The following PCDHA7 variants were observed in gnomAD, a reference collection of about 807,000 sequenced individuals.
PCDHA7 encodes protocadherin alpha 7.
PCDHA7 carries 37 observed loss-of-function variants against 57.2 expected under a neutral mutation model. That is an observed-to-expected ratio of 0.65 (90% CI 0.50 to 0.85). PCDHA7 has a LOEUF of 0.85. PCDHA7 is among the 40% of genes least tolerant of loss of function. The pLI, the probability that PCDHA7 is intolerant of heterozygous loss-of-function variation, is 0.00. For missense variants in PCDHA7, 1,188 were observed against 1,241.8 expected (o/e 0.96, Z 0.65); for synonymous variants, 553 against 558.8 (o/e 0.99, Z 0.15).
At chr5:140,978,491 C>T (rs550205477) in intron 1 of PCDHA7, among the ~76,000 whole-genome samples, 2 of 152,354 alleles carry the variant, frequency 1.3e-5, no homozygotes, top group African/African-American at 4.8e-5. Flanking sequence ...GCAAAGCCAG[C>T]AGCAGATTGC....
At position 140,841,270 on chromosome 5, in the gene PCDHA7, C is replaced by A; in HGVS notation, c.2355+4532C>A. On this transcript the variant is annotated intron_variant, in intron 1 of 3. Transcript: ENST00000525929. ...GATTAAAAGACTCTGAAAGTACAGT[C>A]GTTCATCTTTATATTAAGATAATAT... 4 of 1,529,280 alleles carry A rather than the reference C, an allele frequency of 2.6e-6. No individual in the cohort carries two copies. The South Asian group carries it at 3.9e-5, about 15-fold the overall frequency. 94.7% of individuals were successfully genotyped at this position (1,529,280 alleles called of 1,614,324 possible).
chr5:140,892,413 T>C (rs1554185182), intron 1 of PCDHA7, among the ~76,000 whole-genome samples: 1 of 152,222 alleles, frequency 6.6e-6, no homozygotes, highest in Non-Finnish European at 1.5e-5. Context: ...CTTCAGGTAT[T>C]CTAGATAAAA....
At chr5:140,884,148 A>G in intron 1 of PCDHA7, 3 of 1,613,432 alleles carry the variant, frequency 1.9e-6, no homozygotes, top group Non-Finnish European at 2.5e-6. Context: ...GTGGGGCTGT[A>G]CACTGGCGAG....
intron 1 of PCDHA7, chr5:140,928,710 T>C (rs1370353227): frequency 3.7e-6 from 6 of 1,614,192 alleles, no homozygotes; most frequent in Non-Finnish European, 5.1e-6. Context: ...CGTCTGACTC[T>C]AGTCTCTTTA....
chr5:140,994,275 T>C (rs1296337913), intron 3 of PCDHA7, among the ~76,000 whole-genome samples: 1 of 152,156 alleles, frequency 6.6e-6, no homozygotes, highest in African/African-American at 2.4e-5. Flanking sequence ...AGGCTGCCTT[T>C]CTTGAGACAG....
At chr5:140,930,356 A>G (rs1554207746) in intron 1 of PCDHA7, 1 of 152,106 alleles carries the variant, frequency 6.6e-6, no homozygotes, top group African/African-American at 2.4e-5. Context: ...CAAATATTTC[A>G]ATTTATCTGT....
intron 1 of PCDHA7, among the ~76,000 whole-genome samples, chr5:140,909,973 G>A (rs2074802854): frequency 6.6e-6 from 1 of 152,198 alleles, no homozygotes; most frequent in Admixed American, 6.5e-5. Context: ...GGGGAAGGAT[G>A]GGAGAAAGAC....
At chr5:140,966,447 C>G (rs373859357) in intron 1 of PCDHA7, 3 of 425,206 alleles carry the variant, frequency 7.1e-6, no homozygotes, top group Non-Finnish European at 8.2e-6. Flanking sequence ...CTCCCTTTCC[C>G]CCTCCCCCTC....
chr5:140,876,650 T>G lies in PCDHA7; in HGVS notation c.2355+39912T>G, dbSNP rs782068706. 4 of 1,614,162 alleles carry G rather than the reference T, an allele frequency of 2.5e-6. No individual in the cohort carries two copies. In the South Asian group the frequency reaches 4.4e-5, roughly 18 times the overall value. ...GTCATCTGCTCACTGACACCTCATG[T>G]TCCCTTCAAGCTGGTGTCCACCTAC... On this transcript the variant is annotated intron_variant, in intron 1 of 3. Transcript: ENST00000525929.
Position 140,968,830 on chromosome 5 carries a change from C to T in PCDHA7, c.2356-10119C>T, listed in dbSNP as rs782771762. On this transcript the variant is annotated intron_variant, in intron 1 of 3. Coordinates refer to ENST00000525929, the MANE Select transcript of PCDHA7 (RefSeq NM_018910.3). The stretch of plus-strand genomic sequence containing the variant: ...TGGTGGATAGGGTTTCCAAAATCCT[C>T]CCTGACACTCAGAGGCATGTTAAGA... 48 of 1,614,080 alleles carry T rather than the reference C, an allele frequency of 3.0e-5. No homozygotes were observed. The Admixed American group carries it at 8.0e-4, about 27-fold the overall frequency.
At chr5:140,849,336 T>G in intron 1 of PCDHA7, 8 of 1,396,714 alleles carry the variant, frequency 5.7e-6, no homozygotes, top group Non-Finnish European at 6.9e-6. Context: ...TATTTACTCC[T>G]TCTCCAGTGA....
At position 140,842,873 on chromosome 5, in the gene PCDHA7, T is replaced by A. The variant is rs2150346910; in HGVS notation, c.2355+6135T>A. On this transcript the variant is annotated intron_variant, in intron 1 of 3. Coordinates refer to ENST00000525929, the MANE Select transcript of PCDHA7 (RefSeq NM_018910.3). Reference sequence around the variant, plus strand: ...GGTGCACACGGAGAGCGGCAAGGTGTACGCGCTGCAGCCGCTGGACCACGA... The same window carrying A: ...GGTGCACACGGAGAGCGGCAAGGTGAACGCGCTGCAGCCGCTGGACCACGA... 38 of 1,593,718 alleles carry A rather than the reference T, an allele frequency of 2.4e-5. 5 individuals carry two copies. The highest frequency in any genetic ancestry group is 2.3e-4 in the African/African-American group (17 of 74,220).
rs2098417470 is a variant in PCDHA7, at chr5:141,010,504, A to G, written c.*567A>G. On this transcript the variant is annotated 3_prime_UTR_variant, in exon 4 of 4. Coordinates refer to ENST00000525929, the MANE Select transcript of PCDHA7 (RefSeq NM_018910.3). ...AACTTAAAGGGACCAGACTTTCTAA[A>G]TCTTACAACTCAAGAGGTGGCAGCC... 3.6e-6 allele frequency: 2 copies of G among 549,616 alleles called. No homozygotes were observed. The allele number at this position is 549,616 out of a possible 1,614,324, so 34.0% of individuals were successfully genotyped here.
chr5:140,882,174 C>T (rs868925922), intron 1 of PCDHA7: 1 of 1,514,752 alleles, frequency 6.6e-7, no homozygotes. Context: ...CGAATCCTTC[C>T]GCACTAGGAA....
intron 1 of PCDHA7, among the ~76,000 whole-genome samples, chr5:140,976,116 A>G (rs781948908): frequency 1.2e-4 from 18 of 152,224 alleles, no homozygotes; most frequent in Non-Finnish European, 2.6e-4. Flanking sequence ...AATTTTTCCA[A>G]GTTTAATCAA....
intron 1 of PCDHA7, among the ~76,000 whole-genome samples, chr5:140,976,680 C>T (rs2096726528): frequency 6.6e-6 from 1 of 152,146 alleles, no homozygotes; most frequent in African/African-American, 2.4e-5. Context: ...CTCATTTTTG[C>T]AATTTAAGTA....
At chr5:140,883,105 C>T in intron 1 of PCDHA7, 1 of 1,614,056 alleles carries the variant, frequency 6.2e-7, no homozygotes, top group Non-Finnish European at 8.5e-7. Context: ...ATATAGTTTA[C>T]TCATTTAGAA....
chr5:140,838,280 A>AT (rs2150286950), intron 1 of PCDHA7, among the ~76,000 whole-genome samples: 90,280 of 139,474 alleles, frequency 0.65, 30,290 homozygotes, highest in Non-Finnish European at 0.74. Context: ...AGCCATGCTA[A>AT]TTTTTTTTTT....
intron 1 of PCDHA7, among the ~76,000 whole-genome samples, chr5:140,902,482 C>T (rs1554190466): frequency 1.3e-5 from 2 of 152,086 alleles, no homozygotes; most frequent in Non-Finnish European, 2.9e-5. Context: ...TTTGCCTGCT[C>T]AGTATGATAC....
Sources: gnomAD v4.1 joint callset for allele counts (sites outside exome capture counted in the v4.1 genomes callset) on GRCh38, gnomAD v4.1.1 for gene constraint, MANE v1.5 for transcripts, NCBI Gene and HGNC (gene_info 2026-07-23, HGNC 2026-07-21) for gene names.